The following TAX1BP1 variants were observed in gnomAD, a reference collection of about 807,000 sequenced individuals.
TAX1BP1 encodes the protein tax1-binding protein 1.
Under a neutral mutation model 97.7 loss-of-function variants are expected in TAX1BP1, and 62 were observed. The ratio of observed to expected loss-of-function variants is 0.63; its 90% CI spans 0.52 to 0.78. The LOEUF (loss-of-function observed/expected upper bound fraction) is 0.78. Ranked by LOEUF, TAX1BP1 falls within the 30% of genes least tolerant of loss-of-function variation. TAX1BP1 has a pLI of 0.00. For synonymous variants in TAX1BP1, 340 were observed against 304.2 expected (o/e 1.12, Z -1.23); for missense variants, 867 against 916.1 (o/e 0.95, Z 0.69).
intron 5 of TAX1BP1, chr7:27,772,328 A>G (rs573074863): frequency 2.6e-5 from 4 of 152,000 alleles, no homozygotes; most frequent in Non-Finnish European, 5.9e-5. Context: ...TGAATCCTAT[A>G]GTAGTTCTAG....
chr7:27,791,929 T>C (rs939985269), intron 8 of TAX1BP1, 77 bp from the exon 9 acceptor site: 2 of 1,422,514 alleles, frequency 1.4e-6, no homozygotes, highest in African/African-American at 2.9e-5. Context: ...CCTGTTGAAA[T>C]ATGTGCGAAA....
intron 15 of TAX1BP1, among the ~76,000 whole-genome samples, chr7:27,820,340 A>T (rs1233873383): frequency 6.6e-6 from 1 of 151,938 alleles, no homozygotes; most frequent in Non-Finnish European, 1.5e-5. Context: ...TTGATAGACA[A>T]TTTTTTTCTT....
chr7:27,769,749 C>A lies in TAX1BP1; in HGVS notation c.527C>A (p.Ala176Glu), dbSNP rs765925268. 6.2e-7 allele frequency: 1 copy of A among 1,612,498 alleles called. No homozygotes were observed. The highest frequency in any genetic ancestry group is 2.2e-5 in the East Asian group (1 of 44,760). The change falls in exon 5 of 17, where the codon GCA becomes GAA. Residue 176 changes from alanine (A) to glutamate (E), a missense_variant. This residue lies in a region of TAX1BP1 where 822 missense variants were observed against 851.4 expected (regional missense o/e 0.97). Coordinates refer to ENST00000396319, the MANE Select transcript of TAX1BP1 (RefSeq NM_006024.7). ...KLIAVLEKET[A>E]QLREQVGRME... Reference sequence around the variant, plus strand: ...ATTGCCGTTCTGGAAAAAGAAACAGCACAACTTCGAGAACAAGTTGGGAGA... The same window carrying A: ...ATTGCCGTTCTGGAAAAAGAAACAGAACAACTTCGAGAACAAGTTGGGAGA...
intron 8 of TAX1BP1, among the ~76,000 whole-genome samples, chr7:27,790,572 T>C (rs1431909172): frequency 6.6e-6 from 1 of 152,068 alleles, no homozygotes; most frequent in East Asian, 1.9e-4. Flanking sequence ...TCATAGTTTA[T>C]CATAAATTCT....
At chr7:27,815,655 T>C (rs1790737882) in intron 13 of TAX1BP1, among the ~76,000 whole-genome samples, 1 of 152,222 alleles carries the variant, frequency 6.6e-6, no homozygotes, top group African/African-American at 2.4e-5. Flanking sequence ...AGTTAGGAAA[T>C]GTTTCTTTGT....
intron 9 of TAX1BP1, 52 bp downstream of exon 9, chr7:27,792,282 T>C: frequency 4.1e-6 from 6 of 1,450,758 alleles, no homozygotes; most frequent in Non-Finnish European, 4.7e-6. Context: ...ACCACTATAA[T>C]CTCACAAAGT....
At chr7:27,749,923 C>G (rs1429427964) in intron 2 of TAX1BP1, among the ~76,000 whole-genome samples, 1 of 152,058 alleles carries the variant, frequency 6.6e-6, no homozygotes, top group Non-Finnish European at 1.5e-5. Flanking sequence ...TTCCAAATAG[C>G]TGGGATTATA....
chr7:27,766,419 C>CAAAAAAAAAAAAAAAAAAAA (rs201297532), intron 4 of TAX1BP1, among the ~76,000 whole-genome samples: 3 of 76,886 alleles, frequency 3.9e-5, no homozygotes, highest in Admixed American at 1.4e-4. Flanking sequence ...GACTCCGTAT[C>CAAAAAAAAAAAAAAAAAAAA]AAAAAAAAAA....
chr7:27,813,839 C>T (rs187379060), intron 13 of TAX1BP1, among the ~76,000 whole-genome samples: 96 of 152,190 alleles, frequency 6.3e-4, no homozygotes, highest in African/African-American at 2.2e-3. Context: ...TTAGTAACTA[C>T]TTATTTAGGA....
At chr7:27,825,777 C>T (rs185083807) in intron 15 of TAX1BP1, among the ~76,000 whole-genome samples, 2 of 152,250 alleles carry the variant, frequency 1.3e-5, no homozygotes, top group East Asian at 3.9e-4. Flanking sequence ...TTGGTGTAGG[C>T]TGTTAGCTAT....
chr7:27,796,042 A>T, intron 11 of TAX1BP1, 74 bp from the exon 12 acceptor site: 1 of 1,115,302 alleles, frequency 9.0e-7, no homozygotes, highest in Non-Finnish European at 1.3e-6. Flanking sequence ...ACTGACCTTT[A>T]AGTTATTCTG....
At chr7:27,782,271 C>T (rs1789290612) in intron 5 of TAX1BP1, among the ~76,000 whole-genome samples, 1 of 152,028 alleles carries the variant, frequency 6.6e-6, no homozygotes, top group South Asian at 2.1e-4. Context: ...GAGTCTTTCT[C>T]TGTCGCCCAG....
chr7:27,761,984 G>A (rs769446982), intron 3 of TAX1BP1, among the ~76,000 whole-genome samples: 19 of 152,298 alleles, frequency 1.2e-4, no homozygotes, highest in Non-Finnish European at 2.2e-4. Context: ...ATTTTCAGCA[G>A]CATTTGATGG....
intron 3 of TAX1BP1, among the ~76,000 whole-genome samples, chr7:27,763,266 T>C (rs559799722): frequency 6.6e-6 from 1 of 152,350 alleles, no homozygotes; most frequent in Non-Finnish European, 1.5e-5. Flanking sequence ...TTATTTATTA[T>C]AATCTTGTTG....
intron 1 of TAX1BP1, among the ~76,000 whole-genome samples, chr7:27,748,261 AT>A (rs1405050001): frequency 6.6e-6 from 1 of 152,058 alleles, no homozygotes; most frequent in African/African-American, 2.4e-5. Flanking sequence ...AGGAGAGTTA[AT>A]TTTTGGTTTT....
intron 7 of TAX1BP1, among the ~76,000 whole-genome samples, chr7:27,786,178 C>A (rs887820611): frequency 2.2e-4 from 33 of 149,804 alleles, no homozygotes; most frequent in Non-Finnish European, 4.6e-4. Context: ...GTCGCCCAGG[C>A]TGAAGTGCAG....
intron 13 of TAX1BP1, among the ~76,000 whole-genome samples, chr7:27,810,857 T>C (rs527997138): frequency 3.4e-4 from 52 of 152,152 alleles, no homozygotes; most frequent in Non-Finnish European, 5.6e-4. Flanking sequence ...ATGTTCTGTA[T>C]CTTTTTATTT....
In TAX1BP1 at chr7:27,757,191, C is replaced by T. The variant is rs188040244; in HGVS notation, c.163-840C>T. On this transcript the variant is annotated intron_variant, in intron 2 of 16. Transcript: ENST00000396319. ...TGATGCATAAATTTTTGTAATATTC[C>T]TAGCAAATGGATATCTAGTACCTGT... Among the ~76,000 whole-genome samples the T allele has an allele frequency of 2.5e-3, 375 of 152,162 alleles. 2 individuals are homozygous for T. The highest frequency in any genetic ancestry group is 8.6e-3 in the African/African-American group (358 of 41,534).
At chr7:27,746,089 T>C (rs1787804878) in intron 1 of TAX1BP1, among the ~76,000 whole-genome samples, 1 of 152,154 alleles carries the variant, frequency 6.6e-6, no homozygotes, top group African/African-American at 2.4e-5. Context: ...ATAAAAAAAA[T>C]AGTTACAGCT....
Sources: allele counts gnomAD v4.1 joint callset (sites outside exome capture counted in the v4.1 genomes callset), GRCh38; gene constraint gnomAD v4.1.1; regional missense constraint gnomAD v4.1.1; transcripts MANE v1.5; gene names NCBI Gene and HGNC (gene_info 2026-07-23, HGNC 2026-07-21).